The following ZNF484 variants were observed in gnomAD, a reference collection of about 807,000 sequenced individuals.
The protein encoded by ZNF484 is KRAB box containing C2H2 type zinc finger bA526D8.4.
Under a neutral mutation model 12.9 loss-of-function variants are expected in ZNF484, and 11 were observed. That is an observed-to-expected ratio of 0.85 (90% CI 0.54 to 1.41). The LOEUF is 1.41. ZNF484 is among the 40% of genes most tolerant of loss of function. ZNF484 has a pLI of 0.00. For missense variants in ZNF484, 807 were observed against 1,007.7 expected, an observed-to-expected ratio of 0.80 and a Z score of 2.70; for synonymous variants, 289 against 334.1, an observed-to-expected ratio of 0.86 and a Z score of 1.47.
chr9:92,871,592 A>G (rs1024791829), intron 2 of ZNF484, among the ~76,000 whole-genome samples: 1 of 152,248 alleles, frequency 6.6e-6, no homozygotes, highest in African/African-American at 2.4e-5. Context: ...GGCAAATCTC[A>G]AAAAGGATAA....
intron 2 of ZNF484, among the ~76,000 whole-genome samples, chr9:92,864,642 T>A (rs1460795303): frequency 2.0e-5 from 3 of 152,112 alleles, no homozygotes; most frequent in South Asian, 2.1e-4. Flanking sequence ...AGCAAAAAAT[T>A]CAGTACCACG....
chr9:92,866,650 CA>C (rs1456362927), intron 2 of ZNF484, among the ~76,000 whole-genome samples: 1 of 152,008 alleles, frequency 6.6e-6, no homozygotes, highest in Non-Finnish European at 1.5e-5. Flanking sequence ...GGTATATACC[CA>C]AAGGAATATA....
chr9:92,856,399 AAGG>A (rs2117946231), intron 2 of ZNF484, 81 bp from the exon 3 acceptor site: 3 of 1,185,252 alleles, frequency 2.5e-6, no homozygotes, highest in Admixed American at 2.8e-5. Context: ...TTTCAATGTG[AAGG>A]ATCGAGATTA....
intron 4 of ZNF484, among the ~76,000 whole-genome samples, chr9:92,852,439 G>A (rs376316617): frequency 6.7e-6 from 1 of 149,664 alleles, no homozygotes; most frequent in African/African-American, 2.5e-5. Flanking sequence ...GACTACAGGC[G>A]CCTGCCACTA....
chr9:92,877,738 C>G (rs993103982), intron 1 of ZNF484, 152 bp downstream of exon 1: 393 of 1,515,708 alleles, frequency 2.6e-4, no homozygotes, highest in Admixed American at 4.5e-4. Context: ...CCCTCAGTGC[C>G]CCCTCACTCC....
At chr9:92,865,462 C>T (rs928121977) in intron 2 of ZNF484, among the ~76,000 whole-genome samples, 3 of 152,152 alleles carry the variant, frequency 2.0e-5, no homozygotes, top group Admixed American at 1.3e-4. Flanking sequence ...AAATGAGATA[C>T]CTCTGCAAAC....
chr9:92,854,722 AAAAT>A (rs1451509884), intron 4 of ZNF484, among the ~76,000 whole-genome samples: 28 of 152,316 alleles, frequency 1.8e-4, no homozygotes. Context: ...ATCTCAGAAA[AAAAT>A]AAATAAATAA....
In ZNF484 at chr9:92,847,110, T is replaced by C. The variant is rs749440876; in HGVS notation, c.1677A>G (p.Lys559=). ...TTAATGTTGACTTCTGAATGAATGC[T>C]TTCCCACATTCACTGCATTCATAAT... ...ERHYECSECG[K]AFIQKSTLSM... is the part of the protein sequence containing the mutation. Residue 559 remains lysine, a synonymous_variant, in exon 5 of 5, where the codon AAA becomes AAG. Coordinates refer to ENST00000375495, the MANE Select transcript of ZNF484 (RefSeq NM_031486.4). The C allele has an allele frequency of 6.2e-7, 1 of 1,614,130 alleles. No individual in the cohort carries two copies. Among genetic ancestry groups the C allele is most frequent in the Admixed American group, 1.7e-5 (1 of 60,028 alleles).
intron 2 of ZNF484, among the ~76,000 whole-genome samples, chr9:92,872,425 G>C (rs1223627485): frequency 2.2e-5 from 2 of 90,258 alleles, no homozygotes; most frequent in Admixed American, 1.2e-4. Context: ...GATTCTTTCA[G>C]GTTGCGGTGA....
At chr9:92,866,384 G>A (rs1284530825) in intron 2 of ZNF484, among the ~76,000 whole-genome samples, 5 of 152,054 alleles carry the variant, frequency 3.3e-5, no homozygotes, top group Non-Finnish European at 4.4e-5. Flanking sequence ...ACAATCATAC[G>A]AAAAAAAGCT....
intron 2 of ZNF484, among the ~76,000 whole-genome samples, chr9:92,873,095 G>T (rs1857557302): frequency 6.6e-6 from 1 of 152,116 alleles, no homozygotes; most frequent in South Asian, 2.1e-4. Flanking sequence ...CAAGGTAGGG[G>T]TCCTAATCTG....
Position 92,847,542 on chromosome 9 carries a change from A to G in ZNF484, c.1245T>C (p.Thr415=), listed in dbSNP as rs995252659. Residue 415 remains threonine (T), a synonymous_variant, in exon 5 of 5, where the codon ACT becomes ACC. Transcript: ENST00000375495. ...TCCGGATAAAGGCCTTCCCACATTCAGTACATACATAAGGTTTTTCTCCTG... is the reference window on the plus strand; with the variant it reads ...TCCGGATAAAGGCCTTCCCACATTCGGTACATACATAAGGTTTTTCTCCTG... The part of the protein sequence containing the change: ...IHTGEKPYVC[T]ECGKAFIRKS... The G allele has an allele frequency of 1.2e-6, 2 of 1,613,750 alleles. No homozygotes were observed. Among genetic ancestry groups the G allele is most frequent in the African/African-American group, 2.7e-5 (2 of 74,928 alleles).
Position 92,847,528 on chromosome 9 carries a change from G to A in ZNF484, c.1259C>T (p.Ala420Val). 7 of 1,613,504 alleles carry A rather than the reference G, an allele frequency of 4.3e-6. No homozygotes were observed. The highest frequency in any genetic ancestry group is 1.1e-5 in the South Asian group (1 of 90,900). Residue 420 changes from alanine to valine, a missense_variant, in exon 5 of 5, where the codon GCC (alanine) becomes GTC (valine). Transcript: ENST00000375495. Reference protein sequence around the residue: ...KPYVCTECGKAFIRKSHFITH... With the variant: ...KPYVCTECGKVFIRKSHFITH... ...GATAAAATGTGACTTCCGGATAAAG[G>A]CCTTCCCACATTCAGTACATACATA...
chr9:92,862,212 G>T, intron 2 of ZNF484: 1 of 858,640 alleles, frequency 1.2e-6, no homozygotes. Context: ...CATTTATTAA[G>T]CATAATTACT....
At chr9:92,860,538 A>T (rs1265693428) in intron 2 of ZNF484, among the ~76,000 whole-genome samples, 1 of 146,870 alleles carries the variant, frequency 6.8e-6, no homozygotes, top group Non-Finnish European at 1.5e-5. Context: ...CGGGAGGCGG[A>T]GCTTGCAGTG....
chr9:92,868,092 T>G (rs1857213146), intron 2 of ZNF484, among the ~76,000 whole-genome samples: 3 of 152,222 alleles, frequency 2.0e-5, no homozygotes, highest in African/African-American at 7.2e-5. Flanking sequence ...TTGTCACTAT[T>G]CTGGAGGTCA....
intron 1 of ZNF484, 192 bp downstream of exon 1, chr9:92,877,698 C>T (rs904610914): frequency 7.5e-7 from 1 of 1,328,868 alleles, no homozygotes; most frequent in Non-Finnish European, 1.0e-6. Flanking sequence ...AGTCCGTCCT[C>T]ACTCCGCCTG....
intron 2 of ZNF484, among the ~76,000 whole-genome samples, chr9:92,857,276 C>T (rs1856522591): frequency 6.6e-6 from 1 of 152,134 alleles, no homozygotes; most frequent in Non-Finnish European, 1.5e-5. Context: ...CTTATTCAGT[C>T]ACTCTGACAG....
chr9:92,877,337 A>G (rs1395014962), intron 1 of ZNF484, among the ~76,000 whole-genome samples: 1 of 152,094 alleles, frequency 6.6e-6, no homozygotes, highest in African/African-American at 2.4e-5. Flanking sequence ...AAACAGATAA[A>G]CCTTTCAGAC....
Sources: allele counts gnomAD v4.1 joint callset (sites outside exome capture counted in the v4.1 genomes callset), GRCh38; gene constraint gnomAD v4.1.1; transcripts MANE v1.5; gene names NCBI Gene and HGNC (gene_info 2026-07-23, HGNC 2026-07-21).